Variants in SMAD2 observed in about 807,000 individuals in gnomAD.
SMAD2 encodes SMAD family member 2.
In SMAD2, 8 loss-of-function variants were observed where a neutral mutation model predicts 64.4. The observed-to-expected ratio is 0.12, with a 90% CI of 0.07 to 0.22. SMAD2 has a LOEUF of 0.22. Among genes scored for constraint, SMAD2 ranks in the 10% least tolerant of loss-of-function variants. The probability of loss-of-function intolerance (pLI) is 1.00; values close to 1 mark genes in which losing one functional copy is unlikely to be tolerated. For missense variants in SMAD2, 289 were observed against 561.2 expected (o/e 0.51, Z 4.90); for synonymous variants, 203 against 195.8 (o/e 1.04, Z -0.31).
chr18:47,866,082 C>G (rs1268668123), intron 5 of SMAD2, among the ~76,000 whole-genome samples: 1 of 151,860 alleles, frequency 6.6e-6, no homozygotes, highest in South Asian at 2.1e-4. Flanking sequence ...TTTGGGAGGC[C>G]GAGGCAGGCA....
At position 47,811,885 on chromosome 18, in the gene SMAD2, T is replaced by G. The variant is rs748980285; in HGVS notation, c.*29942A>C. ...ATGCCTACCATATATAAAGCACTGC[T>G]GGAAATGTTGAAGCAGACACAAAGA... On this transcript the variant is annotated 3_prime_UTR_variant, in exon 11 of 11. Transcript: ENST00000262160. 3 of 152,200 alleles carry G rather than the reference T, an allele frequency of 2.0e-5. No individual in the cohort carries two copies. Among genetic ancestry groups the G allele is most frequent in the Non-Finnish European group, 4.4e-5 (3 of 68,042 alleles). 9.4% of individuals were successfully genotyped at this position (152,200 alleles called of 1,614,324 possible).
Position 47,838,268 on chromosome 18 carries a change from T to TA in SMAD2, c.*3558dup, listed in dbSNP as rs1443488327. ...AAGCAAAACTCAATGTGGCTTAAGG[T>TA]AAAAAATACAACTAGGTATTAAACA... On this transcript the variant is annotated 3_prime_UTR_variant, in exon 11 of 11. Coordinates refer to ENST00000262160, the MANE Select transcript of SMAD2 (RefSeq NM_005901.6). 1.3e-5 allele frequency: 3 copies of TA among 232,986 alleles called. No individual in the cohort carries two copies. Among genetic ancestry groups the TA allele is most frequent in the African/African-American group, 6.6e-5 (3 of 45,300 alleles). 14.4% of individuals were successfully genotyped at this position (232,986 alleles called of 1,614,324 possible).
chr18:47,841,100 T>C lies in SMAD2; in HGVS notation c.*727A>G, dbSNP rs1913904455. On this transcript the variant is annotated 3_prime_UTR_variant, in exon 11 of 11. Coordinates refer to ENST00000262160, the MANE Select transcript of SMAD2 (RefSeq NM_005901.6). ...AAAATGGGAATGGAAAAAAGAGGCT[T>C]GGAAAGGTTTTCAGTATGGTTTCCT... 4.3e-6 allele frequency: 1 copy of C among 231,828 alleles called. No homozygotes were observed. The allele number at this position is 231,828 out of a possible 1,614,324, so 14.4% of individuals were successfully genotyped here. A position where few individuals can be genotyped will look rare whatever the true frequency, so the allele number is the denominator to read the frequency against.
At chr18:47,852,987 A>G (rs1485007003) in intron 6 of SMAD2, among the ~76,000 whole-genome samples, 1 of 152,176 alleles carries the variant, frequency 6.6e-6, no homozygotes, top group Non-Finnish European at 1.5e-5. Flanking sequence ...ACAGTTACCT[A>G]AAAGAGCATG....
chr18:47,900,289 A>G (rs1309515314), intron 1 of SMAD2, among the ~76,000 whole-genome samples: 1 of 152,172 alleles, frequency 6.6e-6, no homozygotes, highest in Admixed American at 6.5e-5. Flanking sequence ...AACTAGGACT[A>G]GCCACATTTC....
At chr18:47,916,375 A>G (rs1488940458) in intron 1 of SMAD2, among the ~76,000 whole-genome samples, 1 of 151,516 alleles carries the variant, frequency 6.6e-6, no homozygotes, top group Non-Finnish European at 1.5e-5. Context: ...TGAGGACTTA[A>G]AATTTTACAT....
Position 47,839,417 on chromosome 18 carries a change from T to G in SMAD2, c.*2410A>C, listed in dbSNP as rs777575213. 8.6e-6 allele frequency: 2 copies of G among 233,162 alleles called. No homozygotes were observed. The highest frequency in any genetic ancestry group is 1.7e-5 in the Non-Finnish European group (2 of 117,990). 14.4% of individuals were successfully genotyped at this position (233,162 alleles called of 1,614,324 possible). On this transcript the variant is annotated 3_prime_UTR_variant, in exon 11 of 11. Transcript: ENST00000262160. ...CACTGAGTATCTCCTACAGGCCTGA[T>G]AGTGGTATTACCTAGGACATTTACT...
At position 47,825,404 on chromosome 18, in the gene SMAD2, G is replaced by C. The variant is rs1433610221; in HGVS notation, c.*16423C>G. On this transcript the variant is annotated 3_prime_UTR_variant, in exon 11 of 11. Coordinates refer to ENST00000262160, the MANE Select transcript of SMAD2 (RefSeq NM_005901.6). ...ATGAGTTCTCACTCTCTCAAGACTA[G>C]ATTAGTCCCCAGGAGTGGGTTGTTA... is the stretch of plus-strand genomic sequence containing the variant. The C allele has an allele frequency of 1.3e-5, 2 of 152,266 alleles. No homozygotes were observed. The highest frequency in any genetic ancestry group is 2.9e-5 in the Non-Finnish European group (2 of 68,074). The allele number at this position is 152,266 out of a possible 1,614,324, so 9.4% of individuals were successfully genotyped here. A position where few individuals can be genotyped will look rare whatever the true frequency, so the allele number is the denominator to read the frequency against.
intron 6 of SMAD2, among the ~76,000 whole-genome samples, chr18:47,863,850 C>G (rs2031367267): frequency 6.6e-6 from 1 of 152,068 alleles, no homozygotes; most frequent in Non-Finnish European, 1.5e-5. Flanking sequence ...TTTTGAGGAA[C>G]AGGAAACTTT....
At position 47,844,279 on chromosome 18, in the gene SMAD2, T is replaced by C. The variant is rs1914264163; in HGVS notation, c.1280+1061A>G. Among the ~76,000 whole-genome samples the C allele has an allele frequency of 2.6e-5, 4 of 152,098 alleles. No individual in the cohort carries two copies. The South Asian group carries it at 6.2e-4, about 24-fold the overall frequency. The stretch of plus-strand genomic sequence containing the variant: ...ATCAGATTTCTGACAAAACTTAAGA[T>C]AGACAAGCAAGTCCAAAACAAATAA... On this transcript the variant is annotated intron_variant, in intron 10 of 10. Coordinates refer to ENST00000262160, the MANE Select transcript of SMAD2 (RefSeq NM_005901.6).
At chr18:47,850,677 T>A (rs1250966219) in intron 7 of SMAD2, among the ~76,000 whole-genome samples, 3 of 38,822 alleles carry the variant, frequency 7.7e-5, no homozygotes, top group African/African-American at 1.1e-4. Flanking sequence ...ATATATATAT[T>A]ATATATATAA....
intron 1 of SMAD2, among the ~76,000 whole-genome samples, chr18:47,897,962 T>C (rs918584497): frequency 2.0e-5 from 3 of 152,236 alleles, no homozygotes; most frequent in Admixed American, 6.5e-5. Flanking sequence ...CTGTAGTCTT[T>C]ACATCACACA....
chr18:47,891,956 A>C (rs2033216695), intron 2 of SMAD2, among the ~76,000 whole-genome samples: 1 of 152,166 alleles, frequency 6.6e-6, no homozygotes, highest in South Asian at 2.1e-4. Flanking sequence ...CATTACTAAA[A>C]ATTTGGTCAA....
In SMAD2 at chr18:47,827,219, C is replaced by T. The variant is rs999243007; in HGVS notation, c.*14608G>A. On this transcript the variant is annotated 3_prime_UTR_variant, in exon 11 of 11. Transcript: ENST00000262160. The stretch of plus-strand genomic sequence containing the variant: ...AGTATTTGACTGTACAGGACTGCTT[C>T]CTTCAAGTGTTCCATCCTTAGCATT... 4 of 152,264 alleles carry T rather than the reference C, an allele frequency of 2.6e-5. No homozygotes were observed. Among genetic ancestry groups the T allele is most frequent in the South Asian group, 2.1e-4 (1 of 4,816 alleles). 9.4% of individuals were successfully genotyped at this position (152,264 alleles called of 1,614,324 possible).
intron 7 of SMAD2, 22 bp from the exon 8 acceptor site, chr18:47,848,709 A>T: frequency 6.5e-7 from 1 of 1,527,046 alleles, no homozygotes; most frequent in Non-Finnish European, 9.0e-7. Flanking sequence ...AAAAATAAAA[A>T]AATAATAAAA....
chr18:47,861,718 CAAA>C (rs1425968646), intron 6 of SMAD2, among the ~76,000 whole-genome samples: 2 of 152,306 alleles, frequency 1.3e-5, no homozygotes, highest in South Asian at 4.1e-4. Flanking sequence ...TCCTAAACCA[CAAA>C]AATCAAGTGC....
chr18:47,850,312 T>TATAA (rs1915097073), intron 7 of SMAD2, among the ~76,000 whole-genome samples: 2 of 23,614 alleles, frequency 8.5e-5, no homozygotes, highest in Admixed American at 8.0e-4. Flanking sequence ...ATTATGTATG[T>TATAA]TATATACATA....
At position 47,837,561 on chromosome 18, in the gene SMAD2, C is replaced by CAAAAA. The variant is rs59129117; in HGVS notation, c.*4261_*4265dup. 14 of 155,144 alleles carry CAAAAA rather than the reference C, an allele frequency of 9.0e-5. No individual in the cohort carries two copies. The highest frequency in any genetic ancestry group is 1.1e-4 in the Admixed American group (1 of 9,062). The allele number at this position is 155,144 out of a possible 1,614,324, so 9.6% of individuals were successfully genotyped here. A position where few individuals can be genotyped will look rare whatever the true frequency, so the allele number is the denominator to read the frequency against. ...TGGGCAACAGAGCGAGACTCCCTCT[C>CAAAAA]AAAAAAAAAAAAAAAAAACAAAAAA... is the stretch of plus-strand genomic sequence containing the variant. On this transcript the variant is annotated 3_prime_UTR_variant, in exon 11 of 11. Transcript: ENST00000262160.
chr18:47,920,487 G>A (rs1465807687), intron 1 of SMAD2, among the ~76,000 whole-genome samples: 2 of 152,218 alleles, frequency 1.3e-5, no homozygotes, highest in Non-Finnish European at 2.9e-5. Context: ...ATAGCCACAT[G>A]GTGGCTAGTG....
Sources: allele counts gnomAD v4.1 joint callset (sites outside exome capture counted in the v4.1 genomes callset), GRCh38; gene constraint gnomAD v4.1.1; transcripts MANE v1.5; gene names NCBI Gene and HGNC (gene_info 2026-07-23, HGNC 2026-07-21).